Variants in TM6SF1 observed in about 807,000 individuals in gnomAD.
The protein encoded by TM6SF1 is transmembrane 6 superfamily member 1.
A neutral mutation model predicts 47.1 loss-of-function variants in TM6SF1; 43 were observed. The observed-to-expected ratio is 0.91, with a 90% confidence interval of 0.72 to 1.18. TM6SF1 has a LOEUF of 1.18. Ranked by LOEUF, TM6SF1 falls within the 50% of genes most tolerant of loss-of-function variation. TM6SF1 has a pLI of 0.00. For missense variants in TM6SF1, 390 were observed against 449.0 expected (o/e 0.87, Z 1.19); for synonymous variants, 177 against 166.3 (o/e 1.06, Z -0.49).
intron 3 of TM6SF1, 48 bp downstream of exon 3, chr15:83,115,990 C>T (rs1418614107): frequency 3.0e-5 from 42 of 1,383,368 alleles, no homozygotes; most frequent in Non-Finnish European, 4.2e-5. Flanking sequence ...AAGGCCACAA[C>T]CCAGATCACA....
At chr15:83,134,077 G>A (rs1265900492) in intron 9 of TM6SF1, 1 of 152,134 alleles carries the variant, frequency 6.6e-6, no homozygotes, top group Non-Finnish European at 1.5e-5. Context: ...CTAGAGAAAT[G>A]CTTTGTAGAC....
chr15:83,120,915 TGG>T lies in TM6SF1; in HGVS notation c.399-1004_399-1003del, dbSNP rs944847429. 6.9e-4 allele frequency among the ~76,000 whole-genome samples: 102 copies of T among 147,816 alleles called. 1 individual carries two copies. Among genetic ancestry groups the T allele is most frequent in the African/African-American group, 2.4e-3 (95 of 39,976 alleles). On this transcript the variant is annotated intron_variant, in intron 4 of 9. Transcript: ENST00000322019. ...TGCTTATAATCCCAGTCATTATGAA[TGG>T]GCCTCTTGGGGTCTGGTTACATTTG...
Position 83,127,435 on chromosome 15 carries a change from G to T in TM6SF1, c.879G>T (p.Trp293Cys). Residue 293 changes from tryptophan to cysteine, a missense_variant, in exon 9 of 10, where the codon TGG becomes TGT. By Grantham distance (215) the Trp-to-Cys change is radical (BLOSUM62 -2). Coordinates refer to ENST00000322019, the MANE Select transcript of TM6SF1 (RefSeq NM_023003.5). ...LYGLVVPGCS[W>C]MPDITLIHAG... ...GCTTAGTGGTTCCTGGATGTTCCTG[G>T]ATGCCTGACATCACATTGATACATG... 1 of 1,613,910 alleles carries T rather than the reference G, an allele frequency of 6.2e-7. No individual in the cohort carries two copies. The highest frequency in any genetic ancestry group is 1.1e-5 in the South Asian group (1 of 91,058).
chr15:83,110,902 G>T (rs2034085866), intron 1 of TM6SF1, among the ~76,000 whole-genome samples: 1 of 152,098 alleles, frequency 6.6e-6, no homozygotes, highest in African/African-American at 2.4e-5. Flanking sequence ...ACGGACTCTT[G>T]CTCTGTCATC....
At chr15:83,119,862 C>T (rs2035059567) in intron 4 of TM6SF1, 181 bp downstream of exon 4, 3 of 875,162 alleles carry the variant, frequency 3.4e-6, no homozygotes, top group Non-Finnish European at 5.0e-6. Flanking sequence ...TGAATATGTC[C>T]TTCTGAATTG....
At chr15:83,115,627 T>A (rs1162552254) in intron 2 of TM6SF1, 6 of 673,952 alleles carry the variant, frequency 8.9e-6, no homozygotes, top group African/African-American at 1.8e-5. Flanking sequence ...GAGTGTTCCC[T>A]TGATGAGAGT....
At chr15:83,130,805 C>T (rs185549221) in intron 9 of TM6SF1, 46 of 152,316 alleles carry the variant, frequency 3.0e-4, no homozygotes, top group African/African-American at 1.1e-3. Flanking sequence ...AGAAAGCACT[C>T]TCCAGCAAGG....
Position 83,122,746 on chromosome 15 carries a change from C to G in TM6SF1, c.482-11C>G. 6.2e-7 allele frequency: 1 copy of G among 1,611,896 alleles called. No individual in the cohort carries two copies. The highest frequency in any genetic ancestry group is 1.1e-5 in the South Asian group (1 of 90,550). ...TTTGGTAACTTCTTTCTCTTTCTCTCTTTTAAATAGGGAAGTATGGAACAC... is the reference window on the plus strand; with the variant it reads ...TTTGGTAACTTCTTTCTCTTTCTCTGTTTTAAATAGGGAAGTATGGAACAC... On this transcript the variant is annotated splice_polypyrimidine_tract_variant and intron_variant, in intron 5 of 9. Coordinates refer to ENST00000322019, the MANE Select transcript of TM6SF1 (RefSeq NM_023003.5).
Position 83,136,724 on chromosome 15 carries a change from G to T in TM6SF1, c.*52G>T. On this transcript the variant is annotated 3_prime_UTR_variant, in exon 10 of 10. Transcript: ENST00000322019. ...TAAATTACTAACTTTTGTTATACTG[G>T]TACTGATATTTTGTCCCATTTCACT... 1.4e-6 allele frequency: 2 copies of T among 1,465,206 alleles called. No individual in the cohort carries two copies. The highest frequency in any genetic ancestry group is 4.5e-5 in the East Asian group (2 of 44,072). The allele number at this position is 1,465,206 out of a possible 1,614,324, so 90.8% of individuals were successfully genotyped here. A position where few individuals can be genotyped will look rare whatever the true frequency, so the allele number is the denominator to read the frequency against.
At chr15:83,136,433 C>G (rs776175926) in intron 9 of TM6SF1, 48 bp from the exon 10 acceptor site, 3 of 1,511,712 alleles carry the variant, frequency 2.0e-6, no homozygotes, top group Non-Finnish European at 2.7e-6. Context: ...ATGCATCCAA[C>G]TGAACACGTT....
chr15:83,119,795 A>G (rs2035052275), intron 4 of TM6SF1, 114 bp downstream of exon 4: 6 of 1,522,516 alleles, frequency 3.9e-6, no homozygotes, highest in South Asian at 2.5e-5. Context: ...GGACATGAAT[A>G]TAAGTTCCAT....
intron 7 of TM6SF1, among the ~76,000 whole-genome samples, chr15:83,125,695 T>C (rs570258634): frequency 2.0e-5 from 3 of 152,370 alleles, no homozygotes; most frequent in African/African-American, 7.2e-5. Flanking sequence ...CAATTTCTAT[T>C]CGAAGCCTGT....
intron 1 of TM6SF1, chr15:83,111,556 C>T: frequency 1.1e-6 from 1 of 948,250 alleles, no homozygotes; most frequent in South Asian, 4.9e-5. Flanking sequence ...TCCTTCTATT[C>T]TTATCTTTCT....
rs2035776522 is a variant in TM6SF1, at chr15:83,126,682, C to T, written c.709-73C>T. 3.2e-6 allele frequency: 4 copies of T among 1,235,428 alleles called. No homozygotes were observed. In the Admixed American group the frequency reaches 5.7e-5, roughly 18 times the overall value. 76.5% of individuals were successfully genotyped at this position (1,235,428 alleles called of 1,614,324 possible). On this transcript the variant is annotated intron_variant, in intron 7 of 9. Transcript: ENST00000322019. ...AAGCAGCTTGTGACTAAACCTGGCA[C>T]ATTTAGCCTTATCAGCAAACCTAAG...
rs544476009 is a variant in TM6SF1, at chr15:83,120,606, T to A, written c.398+925T>A. ...CTAATTCTTTTTTTTTTTTTTTTTT[T>A]TTGAGACAGGCTGGAGTGCAATGGC... On this transcript the variant is annotated intron_variant, in intron 4 of 9. Coordinates refer to ENST00000322019, the MANE Select transcript of TM6SF1 (RefSeq NM_023003.5). Among the ~76,000 whole-genome samples, 37 of 151,496 alleles carry A rather than the reference T, an allele frequency of 2.4e-4. 1 individual carries two copies. The South Asian group carries it at 7.4e-3, about 30-fold the overall frequency.
In TM6SF1 at chr15:83,124,728, G is replaced by T. The variant is rs762870264; in HGVS notation, c.660G>T (p.Leu220Phe). 3 of 1,613,934 alleles carry T rather than the reference G, an allele frequency of 1.9e-6. No homozygotes were observed. The African/African-American group carries it at 4.0e-5, about 22-fold the overall frequency. Residue 220 changes from leucine (L) to phenylalanine (F), a missense_variant, in exon 7 of 10, where the codon TTG becomes TTT. Coordinates refer to ENST00000322019, the MANE Select transcript of TM6SF1 (RefSeq NM_023003.5). ...DLLRRPFDLM[L>F]VVCLLLATGF... is the part of the protein sequence containing the mutation. ...TGAGAAGACCATTTGATTTAATGTT[G>T]GTTGTGTGTCTCCTCCTGGCAACTG...
chr15:83,107,798 C>T lies in TM6SF1; in HGVS notation c.92+26C>T, dbSNP rs2033797317. On this transcript the variant is annotated intron_variant, in intron 1 of 9. Transcript: ENST00000322019. The surrounding 1 kb of genome is among the most constrained non-coding windows in gnomAD (Gnocchi z 5.6). ...GTGAGTGAGCCGGCGCGGCGGGGGT[C>T]GCGCCGAGGGGCGGCGGGAGTTGGC... is the stretch of plus-strand genomic sequence containing the variant. The T allele has an allele frequency of 2.6e-6, 4 of 1,564,148 alleles. No individual in the cohort carries two copies. In the South Asian group the frequency reaches 4.7e-5, roughly 18 times the overall value.
intron 1 of TM6SF1, among the ~76,000 whole-genome samples, chr15:83,108,235 C>T (rs565610700): frequency 6.6e-6 from 1 of 152,296 alleles, no homozygotes; most frequent in South Asian, 2.1e-4. Context: ...TTGTGAATGA[C>T]TAGCAGAAAT....
At chr15:83,125,436 CTACT>C (rs2035658078) in intron 7 of TM6SF1, among the ~76,000 whole-genome samples, 1 of 152,194 alleles carries the variant, frequency 6.6e-6, no homozygotes, top group East Asian at 1.9e-4. Context: ...CTTGGAAAAA[CTACT>C]TAACCTCTTG....
Sources: gnomAD v4.1 joint callset for allele counts (sites outside exome capture counted in the v4.1 genomes callset) on GRCh38, gnomAD v4.1.1 for gene constraint, Gnocchi (gnomAD v3.1) non-coding constraint, MANE v1.5 for transcripts, NCBI Gene and HGNC (gene_info 2026-07-23, HGNC 2026-07-21) for gene names.